Variants in IQCH observed in about 807,000 individuals in gnomAD.
The protein encoded by IQCH is IQ motif containing H, also known as IQ domain-containing protein H.
A neutral mutation model predicts 117.0 loss-of-function variants in IQCH; 98 were observed. The observed-to-expected ratio is 0.84, with a 90% CI of 0.71 to 0.99. IQCH has a LOEUF of 0.99. Among genes scored for constraint, IQCH ranks in the 50% least tolerant of loss-of-function variants. The probability of loss-of-function intolerance (pLI) is 0.00; values close to 1 mark genes in which losing one functional copy is unlikely to be tolerated. For missense variants in IQCH, 1,102 were observed against 1,243.8 expected, an observed-to-expected ratio of 0.89 and a Z score of 1.72; for synonymous variants, 412 against 448.2, an observed-to-expected ratio of 0.92 and a Z score of 1.02.
rs1030070408 is a variant in IQCH, at chr15:67,476,824, G to A, written c.2799+1006G>A. ...GTAACCCTGTACACTCTTACTTATG[G>A]AAGACCCACTTTACAGCACCTCAAA... On this transcript the variant is annotated intron_variant, in intron 18 of 20. Coordinates refer to ENST00000335894, the MANE Select transcript of IQCH (RefSeq NM_001031715.3). This position sits in a 1 kb window ranked among gnomAD's most constrained non-coding sequence, Gnocchi z 4.1. Among the ~76,000 whole-genome samples the A allele has an allele frequency of 6.6e-6, 1 of 151,970 alleles. No individual in the cohort carries two copies. Among genetic ancestry groups the A allele is most frequent in the Non-Finnish European group, 1.5e-5 (1 of 67,996 alleles).
At chr15:67,275,692 A>G (rs929922632) in intron 3 of IQCH, among the ~76,000 whole-genome samples, 2 of 152,160 alleles carry the variant, frequency 1.3e-5, no homozygotes, top group Non-Finnish European at 2.9e-5. Flanking sequence ...AGCCTGGGCA[A>G]CATAGTGAAA....
In IQCH at chr15:67,395,529, C is replaced by G. The variant is rs747800426; in HGVS notation, c.1871C>G (p.Pro624Arg). 1.2e-6 allele frequency: 2 copies of G among 1,613,956 alleles called. No individual in the cohort carries two copies. The highest frequency in any genetic ancestry group is 1.7e-6 in the Non-Finnish European group (2 of 1,179,936). ...TTTGACAGTGCCAATGTGGCAGTTCCTCCTGGAATATATGATATTTATAGT... is the reference window on the plus strand; with the variant it reads ...TTTGACAGTGCCAATGTGGCAGTTCGTCCTGGAATATATGATATTTATAGT... ...RVFDSANVAV[P>R]PGIYDIYSQQ... The change falls in exon 13 of 21, where the codon CCT becomes CGT. Residue 624 changes from proline to arginine, a missense_variant. Physicochemically the swap from Pro to Arg is moderately radical, Grantham distance 103. This residue lies in a region of IQCH where 650 missense variants were observed against 794.3 expected (regional missense o/e 0.82). Transcript: ENST00000335894. The surrounding 1 kb of genome is among the most constrained non-coding windows in gnomAD (Gnocchi z 4.0).
Position 67,395,586 on chromosome 15 carries a change from G to A in IQCH, c.1905+23G>A. 6.2e-7 allele frequency: 1 copy of A among 1,606,038 alleles called. No individual in the cohort carries two copies. Among genetic ancestry groups the A allele is most frequent in the Non-Finnish European group, 8.5e-7 (1 of 1,174,618 alleles). The stretch of plus-strand genomic sequence containing the variant: ...CAGGTATGTGGGGTGGACAAGTGAA[G>A]CTCTGTTCAAATATTTGAAACATCC... On this transcript the variant is annotated intron_variant, in intron 13 of 20. Transcript: ENST00000335894. The surrounding 1 kb of genome is among the most constrained non-coding windows in gnomAD (Gnocchi z 4.0).
Position 67,388,807 on chromosome 15 carries a change from TAACA to T in IQCH, c.1457-23_1457-20del. 6.3e-7 allele frequency: 1 copy of T among 1,598,864 alleles called. No homozygotes were observed. Among genetic ancestry groups the T allele is most frequent in the Non-Finnish European group, 8.6e-7 (1 of 1,166,788 alleles). ...TGTCATTTACCTTCACACCAGTAAT[TAACA>T]TTGTGCCTGTTGTTTTTAGATGCCA... On this transcript the variant is annotated intron_variant, in intron 11 of 20. Coordinates refer to ENST00000335894, the MANE Select transcript of IQCH (RefSeq NM_001031715.3). This position sits in a 1 kb window ranked among gnomAD's most constrained non-coding sequence, Gnocchi z 5.5.
At chr15:67,320,048 T>TA (rs1342748215) in intron 4 of IQCH, among the ~76,000 whole-genome samples, 2 of 152,252 alleles carry the variant, frequency 1.3e-5, no homozygotes, top group African/African-American at 2.4e-5. Flanking sequence ...CAGGTTTGCT[T>TA]AGGCATCTCT....
rs2081734845 is a variant in IQCH, at chr15:67,421,315, C to CTGCA, written c.2244_2247dup (p.Asp750CysfsTer31). ...GGGGGTGTGATCGAAGCATTCCCAC[C>CTGCA]TGCAGACAATGTCACCAACCTCACA... On this transcript the variant is annotated frameshift_variant, in exon 16 of 21. Transcript: ENST00000335894. LOFTEE classifies it high-confidence loss of function. 6.2e-7 allele frequency: 1 copy of CTGCA among 1,614,010 alleles called. No individual in the cohort carries two copies. Among genetic ancestry groups the CTGCA allele is most frequent in the South Asian group, 1.1e-5 (1 of 91,066 alleles).
At chr15:67,322,018 A>T (rs1240979601) in intron 4 of IQCH, among the ~76,000 whole-genome samples, 2 of 152,230 alleles carry the variant, frequency 1.3e-5, no homozygotes, top group African/African-American at 2.4e-5. Context: ...CTGATTTTTT[A>T]AAAATTAATT....
At chr15:67,448,523 T>C (rs2082443182) in intron 16 of IQCH, among the ~76,000 whole-genome samples, 2 of 152,008 alleles carry the variant, frequency 1.3e-5, no homozygotes, top group South Asian at 4.2e-4. Context: ...TGGTTTCCAG[T>C]TTCATCCATG....
chr15:67,261,466 C>A, intron 2 of IQCH, 72 bp downstream of exon 2: 2 of 1,293,588 alleles, frequency 1.5e-6, no homozygotes, highest in South Asian at 1.4e-5. Flanking sequence ...AATTGCAGTT[C>A]TCATAGAGTC....
chr15:67,295,564 A>G (rs912594872), intron 4 of IQCH, among the ~76,000 whole-genome samples: 6 of 152,180 alleles, frequency 3.9e-5, no homozygotes, highest in African/African-American at 1.4e-4. Flanking sequence ...ATAGAAGAGT[A>G]CTGAGCTAGG....
chr15:67,435,851 A>C (rs117353140), intron 16 of IQCH, among the ~76,000 whole-genome samples: 2,128 of 152,044 alleles, frequency 0.014, 20 homozygotes, highest in Middle Eastern at 0.024. Flanking sequence ...AACCTGGGTG[A>C]CAGAGCAAGA....
intron 16 of IQCH, among the ~76,000 whole-genome samples, chr15:67,428,317 G>A (rs2140935805): frequency 6.6e-6 from 1 of 152,256 alleles, no homozygotes; most frequent in East Asian, 1.9e-4. Context: ...TATAAATGCA[G>A]AGTTAAAAGA....
chr15:67,426,996 A>G lies in IQCH; in HGVS notation c.2505+5419A>G, dbSNP rs1471660815. On this transcript the variant is annotated intron_variant, in intron 16 of 20. Transcript: ENST00000335894. The surrounding 1 kb of genome is among the most constrained non-coding windows in gnomAD (Gnocchi z 5.1). ...GACCCAGTATCCAAAAAAAAAAAAGAAGAAGAAAATCCCAGAAACAGGAGG... is the reference window on the plus strand; with the variant it reads ...GACCCAGTATCCAAAAAAAAAAAAGGAGAAGAAAATCCCAGAAACAGGAGG... 6.6e-6 allele frequency among the ~76,000 whole-genome samples: 1 copy of G among 151,764 alleles called. No individual in the cohort carries two copies. Among genetic ancestry groups the G allele is most frequent in the Non-Finnish European group, 1.5e-5 (1 of 67,948 alleles).
rs1195295753 is a variant in IQCH, at chr15:67,453,666, G to T, written c.2506-11461G>T. ...GGGTGCCTCCCAGTTAGGCTACTCA[G>T]GGGTCAGGGACCCACTTGAGGAGGC... On this transcript the variant is annotated intron_variant, in intron 16 of 20. Transcript: ENST00000335894. The surrounding 1 kb of genome is among the most constrained non-coding windows in gnomAD (Gnocchi z 5.8). 6.6e-6 allele frequency among the ~76,000 whole-genome samples: 1 copy of T among 152,206 alleles called. No homozygotes were observed. Among genetic ancestry groups the T allele is most frequent in the Non-Finnish European group, 1.5e-5 (1 of 68,040 alleles).
chr15:67,330,699 G>GC (rs1968627926), intron 4 of IQCH, among the ~76,000 whole-genome samples: 1 of 152,164 alleles, frequency 6.6e-6, no homozygotes, highest in Admixed American at 6.5e-5. Context: ...GGGCCATGAA[G>GC]CAGTGACATG....
chr15:67,499,526 G>A (rs988398211), intron 20 of IQCH, among the ~76,000 whole-genome samples: 4 of 151,940 alleles, frequency 2.6e-5, no homozygotes, highest in African/African-American at 9.7e-5. Flanking sequence ...TGGTATCACA[G>A]ATATGTAAAG....
chr15:67,432,219 A>G lies in IQCH; in HGVS notation c.2505+10642A>G, dbSNP rs897885599. Among the ~76,000 whole-genome samples, 1 of 152,180 alleles carries G rather than the reference A, an allele frequency of 6.6e-6. No homozygotes were observed. Among genetic ancestry groups the G allele is most frequent in the African/African-American group, 2.4e-5 (1 of 41,442 alleles). On this transcript the variant is annotated intron_variant, in intron 16 of 20. Coordinates refer to ENST00000335894, the MANE Select transcript of IQCH (RefSeq NM_001031715.3). The surrounding 1 kb of genome is among the most constrained non-coding windows in gnomAD (Gnocchi z 5.0). Reference sequence around the variant, plus strand: ...GGAGAGTAGTAATGGCCCTTCCAAAACATAAAGTTAGCTACAGAAAGGAAA... The same window carrying G: ...GGAGAGTAGTAATGGCCCTTCCAAAGCATAAAGTTAGCTACAGAAAGGAAA...
At chr15:67,392,811 A>G (rs1971331922) in intron 12 of IQCH, among the ~76,000 whole-genome samples, 1 of 147,732 alleles carries the variant, frequency 6.8e-6, no homozygotes, top group Admixed American at 6.8e-5. Context: ...AAAGGATTTC[A>G]AATTATGGTA....
In IQCH at chr15:67,479,645, T is replaced by C. The variant is rs2083294665; in HGVS notation, c.2799+3827T>C. ...CTAAAATTTTATTGCCTGTTTGGGT[T>C]ATGCTGAGTCTAAAAACAAGATCAT... On this transcript the variant is annotated intron_variant, in intron 18 of 20. Coordinates refer to ENST00000335894, the MANE Select transcript of IQCH (RefSeq NM_001031715.3). The surrounding 1 kb of genome is among the most constrained non-coding windows in gnomAD (Gnocchi z 4.6). 6.6e-6 allele frequency among the ~76,000 whole-genome samples: 1 copy of C among 152,244 alleles called. No homozygotes were observed. The highest frequency in any genetic ancestry group is 1.5e-5 in the Non-Finnish European group (1 of 68,046).
Sources: gnomAD v4.1 joint callset for allele counts (sites outside exome capture counted in the v4.1 genomes callset) on GRCh38, gnomAD v4.1.1 for gene constraint, gnomAD v4.1.1 regional missense constraint, Gnocchi (gnomAD v3.1) non-coding constraint, MANE v1.5 for transcripts, NCBI Gene and HGNC (gene_info 2026-07-23, HGNC 2026-07-21) for gene names.